The following MFSD11 variants were observed in gnomAD, a reference collection of about 807,000 sequenced individuals.
The protein encoded by MFSD11 is UNC93-like protein MFSD11.
Under a neutral mutation model 53.5 loss-of-function variants are expected in MFSD11, and 36 were observed. The observed-to-expected ratio is 0.67, with a 90% CI of 0.52 to 0.89. The LOEUF is 0.89. Among genes scored for constraint, MFSD11 ranks in the 40% least tolerant of loss-of-function variants. The pLI, the probability that MFSD11 is intolerant of heterozygous loss-of-function variation, is 0.00. For synonymous variants in MFSD11, 186 were observed against 184.9 expected, an observed-to-expected ratio of 1.01 and a Z score of -0.05; for missense variants, 530 against 543.9, an observed-to-expected ratio of 0.97 and a Z score of 0.25.
At chr17:76,773,640 C>G (rs1177918377) in intron 10 of MFSD11, among the ~76,000 whole-genome samples, 1 of 152,060 alleles carries the variant, frequency 6.6e-6, no homozygotes, top group Non-Finnish European at 1.5e-5. Flanking sequence ...GACGGAGTCT[C>G]GCTCAGTTGC....
At position 76,754,158 on chromosome 17, in the gene MFSD11, C is replaced by T. The variant is rs867856105; in HGVS notation, c.682+71C>T. 5 of 1,324,156 alleles carry T rather than the reference C, an allele frequency of 3.8e-6. 1 individual carries two copies. Among genetic ancestry groups the T allele is most frequent in the Non-Finnish European group, 5.4e-6 (5 of 926,506 alleles). The allele number at this position is 1,324,156 out of a possible 1,614,324, so 82.0% of individuals were successfully genotyped here. On this transcript the variant is annotated intron_variant, in intron 8 of 12. Transcript: ENST00000685175. The stretch of plus-strand genomic sequence containing the variant: ...CTCGGCATTTGCCTTTCCCCTATTC[C>T]CTGGTAACTTTGGATTGATGACACC...
At chr17:76,802,447 C>G in the MFSD11 span, among the ~76,000 whole-genome samples, 1 of 152,196 alleles carries the variant, frequency 6.6e-6, no homozygotes, top group African/African-American at 2.4e-5. Context: ...GACCATACAA[C>G]TCAGCAACTC....
At chr17:76,798,364 G>T in the MFSD11 span, among the ~76,000 whole-genome samples, 1 of 152,112 alleles carries the variant, frequency 6.6e-6, no homozygotes, top group Non-Finnish European at 1.5e-5. Context: ...AGCTCATCAC[G>T]TCTCCAGATT....
chr17:76,742,397 T>C, intron 5 of MFSD11, 124 bp downstream of exon 5: 2 of 757,776 alleles, frequency 2.6e-6, no homozygotes, highest in Non-Finnish European at 2.2e-6. Flanking sequence ...TAGCTAAATG[T>C]GACGTGATTC....
At chr17:76,769,939 G>T in intron 10 of MFSD11, 68 bp downstream of exon 10, 4 of 1,419,200 alleles carry the variant, frequency 2.8e-6, no homozygotes, top group South Asian at 1.3e-5. Context: ...GAAATTTTAA[G>T]TGTGCTTCAC....
At chr17:76,747,124 A>G (rs1490446890) in intron 7 of MFSD11, among the ~76,000 whole-genome samples, 3 of 152,130 alleles carry the variant, frequency 2.0e-5, no homozygotes, top group Non-Finnish European at 4.4e-5. Flanking sequence ...TCATGAGGAT[A>G]TAGCTGCCAT....
rs555790326 is a variant in MFSD11 at position 76,738,464 on chromosome 17, T to C, written c.96+16T>C. 111 of 1,585,672 alleles carry C rather than the reference T, an allele frequency of 7.0e-5. 1 individual carries two copies. The South Asian group carries it at 1.2e-3, about 17-fold the overall frequency. Reference sequence around the variant, plus strand: ...AAATGTGGCGGTGAGTTGGAATCTGTCCTCCCTCCTTTGAAGTGCCCATCA... The same window carrying C: ...AAATGTGGCGGTGAGTTGGAATCTGCCCTCCCTCCTTTGAAGTGCCCATCA... On this transcript the variant is annotated intron_variant, in intron 1 of 12. Coordinates refer to ENST00000685175, the MANE Select transcript of MFSD11 (RefSeq NM_001242532.5).
rs73361039 is a variant in MFSD11, at chr17:76,753,916, G to C, written c.642-131G>C. The C allele has an allele frequency of 3.6e-5, 24 of 669,622 alleles. No individual in the cohort carries two copies. In the East Asian group the frequency reaches 5.2e-4, roughly 15 times the overall value. 41.5% of individuals were successfully genotyped at this position (669,622 alleles called of 1,614,324 possible). On this transcript the variant is annotated intron_variant, in intron 7 of 12. Coordinates refer to ENST00000685175, the MANE Select transcript of MFSD11 (RefSeq NM_001242532.5). Reference sequence around the variant, plus strand: ...GGACACCCTGAGGCAAGGAGCATTCGAGTCACTGGGAATGCATCTCAGACC... The same window carrying C: ...GGACACCCTGAGGCAAGGAGCATTCCAGTCACTGGGAATGCATCTCAGACC...
intron 2 of MFSD11, 77 bp from the exon 3 acceptor site, chr17:76,740,880 G>C (rs2078008687): frequency 2.5e-6 from 2 of 807,056 alleles, no homozygotes; most frequent in Non-Finnish European, 4.1e-6. Context: ...TAAACAAATG[G>C]ATTTTAAACA....
chr17:76,761,122 T>C (rs2080188869), intron 8 of MFSD11, among the ~76,000 whole-genome samples: 1 of 152,026 alleles, frequency 6.6e-6, no homozygotes, highest in East Asian at 1.9e-4. Context: ...GGAGAATTGC[T>C]TGAACCTGGG....
chr17:76,744,160 G>A (rs992341413), intron 6 of MFSD11, among the ~76,000 whole-genome samples, 162 bp from the exon 7 acceptor site: 2 of 152,184 alleles, frequency 1.3e-5, no homozygotes, highest in Non-Finnish European at 2.9e-5. Flanking sequence ...AGACAAAGGT[G>A]AAGGTATCCT....
chr17:76,738,868 A>AG lies in MFSD11; in HGVS notation c.97-69dup, dbSNP rs1179284722. On this transcript the variant is annotated intron_variant, in intron 1 of 12. Coordinates refer to ENST00000685175, the MANE Select transcript of MFSD11 (RefSeq NM_001242532.5). ...CTTTATTCTCTTGCTGAGTACTTGG[A>AG]GTCACACTTCCCAAGGGTGGGAGGG... 16 of 1,154,004 alleles carry AG rather than the reference A, an allele frequency of 1.4e-5. No homozygotes were observed. In the African/African-American group the frequency reaches 1.8e-4, roughly 13 times the overall value. 71.5% of individuals were successfully genotyped at this position (1,154,004 alleles called of 1,614,324 possible). A position where few individuals can be genotyped will look rare whatever the true frequency, so the allele number is the denominator to read the frequency against.
upstream of MFSD11, chr17:76,737,431 G>C: frequency 2.3e-6 from 1 of 425,698 alleles, no homozygotes; most frequent in East Asian, 3.7e-5. Flanking sequence ...ACCGCGCCCC[G>C]CTTCGTAACG....
chr17:76,753,522 A>T lies in MFSD11; in HGVS notation c.642-525A>T, dbSNP rs1254687511. On this transcript the variant is annotated intron_variant, in intron 7 of 12. Transcript: ENST00000685175. ...CCCCGTCTCTACCAAAACTACAAAAAATTATCTGGGTGTGGTGGGACCCAC... is the reference window on the plus strand; with the variant it reads ...CCCCGTCTCTACCAAAACTACAAAATATTATCTGGGTGTGGTGGGACCCAC... Among the ~76,000 whole-genome samples, 8 of 151,930 alleles carry T rather than the reference A, an allele frequency of 5.3e-5. No individual in the cohort carries two copies. The East Asian group carries it at 1.5e-3, about 29-fold the overall frequency.
the MFSD11 span, among the ~76,000 whole-genome samples, chr17:76,801,075 GAA>G: frequency 3.6e-5 from 5 of 140,122 alleles, no homozygotes; most frequent in Admixed American, 7.2e-5. Context: ...GACTCGGTCT[GAA>G]AAAAAAAAAA....
In MFSD11 at chr17:76,776,681, C is replaced by T; in HGVS notation, c.1185+140C>T. 4 of 855,036 alleles carry T rather than the reference C, an allele frequency of 4.7e-6. No homozygotes were observed. Among genetic ancestry groups the T allele is most frequent in the Non-Finnish European group, 6.6e-6 (4 of 609,038 alleles). 53.0% of individuals were successfully genotyped at this position (855,036 alleles called of 1,614,324 possible). A position where few individuals can be genotyped will look rare whatever the true frequency, so the allele number is the denominator to read the frequency against. On this transcript the variant is annotated intron_variant, in intron 12 of 12. Coordinates refer to ENST00000685175, the MANE Select transcript of MFSD11 (RefSeq NM_001242532.5). The surrounding 1 kb of genome is among the most constrained non-coding windows in gnomAD (Gnocchi z 4.2). The stretch of plus-strand genomic sequence containing the variant: ...TTTTTGATAGAGTCTCTCTCTGTCA[C>T]TCAGGCTGGAGTGCAGTAGCGCAAT...
intron 10 of MFSD11, among the ~76,000 whole-genome samples, chr17:76,774,365 A>T (rs1158036876): frequency 6.6e-6 from 1 of 152,188 alleles, no homozygotes; most frequent in Non-Finnish European, 1.5e-5. Context: ...CTGGGATTAC[A>T]GGCATGAGAC....
At chr17:76,762,364 T>A (rs1272551389) in intron 8 of MFSD11, among the ~76,000 whole-genome samples, 3 of 152,158 alleles carry the variant, frequency 2.0e-5, no homozygotes, top group Non-Finnish European at 4.4e-5. Flanking sequence ...AATGGATGAA[T>A]AAAGTACACT....
intron 11 of MFSD11, among the ~76,000 whole-genome samples, chr17:76,775,716 A>T (rs1598781051): frequency 6.6e-6 from 1 of 152,376 alleles, no homozygotes; most frequent in East Asian, 1.9e-4. Context: ...TTCAAGGGCC[A>T]ACATGATGCT....
Sources: allele counts gnomAD v4.1 joint callset (sites outside exome capture counted in the v4.1 genomes callset), GRCh38; gene constraint gnomAD v4.1.1; non-coding constraint Gnocchi (gnomAD v3.1); transcripts MANE v1.5; gene names NCBI Gene and HGNC (gene_info 2026-07-23, HGNC 2026-07-21).